The following PTK2B variants were observed in gnomAD, a reference collection of about 807,000 sequenced individuals.
PTK2B encodes the protein protein-tyrosine kinase 2-beta.
A neutral mutation model predicts 142.9 loss-of-function variants in PTK2B; 71 were observed. The ratio of observed to expected loss-of-function variants is 0.50; its 90% CI spans 0.41 to 0.61. The LOEUF (loss-of-function observed/expected upper bound fraction) is 0.61. Among genes scored for constraint, PTK2B ranks in the 20% least tolerant of loss-of-function variants. PTK2B has a pLI of 0.00. For synonymous variants in PTK2B, 519 were observed against 503.4 expected, an observed-to-expected ratio of 1.03 and a Z score of -0.42; for missense variants, 1,105 against 1,320.4, an observed-to-expected ratio of 0.84 and a Z score of 2.53.
intron 1 of PTK2B, among the ~76,000 whole-genome samples, chr8:27,350,886 G>T (rs1411043306): frequency 6.8e-6 from 1 of 147,274 alleles, no homozygotes; most frequent in Non-Finnish European, 1.5e-5. Flanking sequence ...TGAGGCAGGA[G>T]AATTGCTTGA....
chr8:27,347,419 C>T (rs1804781897), intron 1 of PTK2B, among the ~76,000 whole-genome samples: 1 of 152,160 alleles, frequency 6.6e-6, no homozygotes, highest in African/African-American at 2.4e-5. Context: ...GCTCAACTGT[C>T]ATCAGAAAGT....
rs528877770 is a variant in PTK2B, at chr8:27,347,874, C to G, written c.-38+22193C>G. ...TGCATTTGACCCCACTACCTCTTGC[C>G]TTCCTCCCCTGCTTCTCTTTCAAAG... On this transcript the variant is annotated intron_variant, in intron 1 of 30. Coordinates refer to ENST00000346049, the MANE Select transcript of PTK2B (RefSeq NM_173176.3). Among the ~76,000 whole-genome samples the G allele has an allele frequency of 5.3e-5, 8 of 152,350 alleles. No individual in the cohort carries two copies. The South Asian group carries it at 1.4e-3, about 28-fold the overall frequency.
intron 1 of PTK2B, among the ~76,000 whole-genome samples, chr8:27,333,679 G>C (rs1008635389): frequency 1.3e-5 from 2 of 152,072 alleles, no homozygotes; most frequent in Non-Finnish European, 2.9e-5. Flanking sequence ...TTCCCAGCCT[G>C]GCCGCTTCCC....
At chr8:27,362,017 A>C (rs945720110) in intron 1 of PTK2B, among the ~76,000 whole-genome samples, 7 of 152,170 alleles carry the variant, frequency 4.6e-5, no homozygotes, top group Non-Finnish European at 2.9e-5. Context: ...GATGTTTACT[A>C]ACCAACCTGA....
At chr8:27,366,528 C>G (rs1241373208) in intron 1 of PTK2B, among the ~76,000 whole-genome samples, 1 of 152,198 alleles carries the variant, frequency 6.6e-6, no homozygotes, top group African/African-American at 2.4e-5. Context: ...GGAGTCAGTT[C>G]TAGGCAGAAG....
At chr8:27,329,690 T>C (rs1803626665) in intron 1 of PTK2B, among the ~76,000 whole-genome samples, 1 of 152,026 alleles carries the variant, frequency 6.6e-6, no homozygotes, top group East Asian at 1.9e-4. Flanking sequence ...ACGGGTCAGT[T>C]CCAGGGTTAA....
chr8:27,457,627 A>G (rs1401020438), intron 30 of PTK2B, among the ~76,000 whole-genome samples: 2 of 152,190 alleles, frequency 1.3e-5, no homozygotes, highest in African/African-American at 2.4e-5. Flanking sequence ...AATATCATTA[A>G]CCATTTGGAA....
rs577166934 is a variant in PTK2B at position 27,363,678 on chromosome 8, G to A, written c.-37-33870G>A. 6.6e-6 allele frequency among the ~76,000 whole-genome samples: 1 copy of A among 152,276 alleles called. No individual in the cohort carries two copies. The highest frequency in any genetic ancestry group is 6.5e-5 in the Admixed American group (1 of 15,288). ...TCATGGACCTCCTCCCCGGAGCCAGGCAGAGGCTCAGGGGCTCTCCCATGT... is the reference window on the plus strand; with the variant it reads ...TCATGGACCTCCTCCCCGGAGCCAGACAGAGGCTCAGGGGCTCTCCCATGT... On this transcript the variant is annotated intron_variant, in intron 1 of 30. Coordinates refer to ENST00000346049, the MANE Select transcript of PTK2B (RefSeq NM_173176.3). The surrounding 1 kb of genome is among the most constrained non-coding windows in gnomAD (Gnocchi z 4.3).
chr8:27,414,680 C>T (rs538062075), intron 2 of PTK2B, among the ~76,000 whole-genome samples: 2 of 152,018 alleles, frequency 1.3e-5, no homozygotes, highest in African/African-American at 4.8e-5. Context: ...CAATCCTTCA[C>T]CTCCAAAGAT....
chr8:27,454,294 G>GA lies in PTK2B; in HGVS notation c.2733+4dup. 1 of 1,612,888 alleles carries GA rather than the reference G, an allele frequency of 6.2e-7. No homozygotes were observed. Among genetic ancestry groups the GA allele is most frequent in the Non-Finnish European group, 8.5e-7 (1 of 1,179,756 alleles). On this transcript the variant is annotated splice_donor_region_variant and intron_variant, in intron 29 of 30. Transcript: ENST00000346049. ...AGGGCTACGTGGTGGTGGTGAAGGT[G>GA]AGAGCAGGGCTGGGTTGGGGAGGTG...
At chr8:27,343,951 C>G (rs959892226) in intron 1 of PTK2B, among the ~76,000 whole-genome samples, 1 of 151,730 alleles carries the variant, frequency 6.6e-6, no homozygotes, top group Non-Finnish European at 1.5e-5. Context: ...TGCAGTGAGC[C>G]GAGATCATGC....
intron 1 of PTK2B, among the ~76,000 whole-genome samples, chr8:27,330,502 TGCC>T (rs1348922825): frequency 6.6e-6 from 1 of 152,180 alleles, no homozygotes; most frequent in Admixed American, 6.5e-5. Context: ...TGTCTACGAA[TGCC>T]CAGCCGGCAC....
At chr8:27,379,268 G>T (rs990963699) in intron 1 of PTK2B, among the ~76,000 whole-genome samples, 4 of 152,194 alleles carry the variant, frequency 2.6e-5, no homozygotes, top group Admixed American at 2.6e-4. Flanking sequence ...TGGAGACAGG[G>T]TCTCATTCTG....
intron 3 of PTK2B, among the ~76,000 whole-genome samples, chr8:27,319,090 A>C (rs1373409786): frequency 6.6e-6 from 1 of 152,166 alleles, no homozygotes; most frequent in Admixed American, 6.5e-5. Flanking sequence ...GATTATTTCC[A>C]GGAGCCCTTT....
At chr8:27,349,602 C>T (rs1253202159) in intron 1 of PTK2B, among the ~76,000 whole-genome samples, 1 of 152,240 alleles carries the variant, frequency 6.6e-6, no homozygotes, top group African/African-American at 2.4e-5. Flanking sequence ...AGATTCCTTT[C>T]ATTCCCCTGT....
intron 1 of PTK2B, among the ~76,000 whole-genome samples, chr8:27,353,647 T>C (rs1481198701): frequency 6.6e-6 from 1 of 152,136 alleles, no homozygotes; most frequent in African/African-American, 2.4e-5. Flanking sequence ...CTTGAACAGA[T>C]GAGGCAACTA....
chr8:27,458,057 G>T (rs1285314168), intron 30 of PTK2B, among the ~76,000 whole-genome samples: 1 of 151,922 alleles, frequency 6.6e-6, no homozygotes, highest in East Asian at 1.9e-4. Context: ...TGAAGGGACG[G>T]TCAGGCTGGG....
intron 1 of PTK2B, among the ~76,000 whole-genome samples, chr8:27,331,459 GTTTTTTTTTTTCT>G (rs1291057378): frequency 9.7e-6 from 1 of 103,604 alleles, no homozygotes; most frequent in African/African-American, 3.1e-5. Flanking sequence ...TCATTTTCTG[GTTTTTTTTTTTCT>G]TTTCTTTTTT....
At chr8:27,452,184 C>A (rs1455100252) in intron 27 of PTK2B, 1 of 152,394 alleles carries the variant, frequency 6.6e-6, no homozygotes, top group Non-Finnish European at 1.5e-5. Flanking sequence ...ACTTTAGGGT[C>A]CCTTCTGAGC....
Sources: gnomAD v4.1 joint callset for allele counts (sites outside exome capture counted in the v4.1 genomes callset) on GRCh38, gnomAD v4.1.1 for gene constraint, Gnocchi (gnomAD v3.1) non-coding constraint, MANE v1.5 for transcripts, NCBI Gene and HGNC (gene_info 2026-07-23, HGNC 2026-07-21) for gene names.